Variants in PLA2G10 observed in about 807,000 individuals in gnomAD.
PLA2G10 encodes group 10 secretory phospholipase A2.
A neutral mutation model predicts 7.9 loss-of-function variants in PLA2G10; 9 were observed. The observed-to-expected ratio is 1.14, with a 90% CI of 0.68 to 1.98. The LOEUF (loss-of-function observed/expected upper bound fraction) is 1.98, where lower values mean the gene tolerates loss of function less well. Among genes scored for constraint, PLA2G10 ranks in the 30% most tolerant of loss-of-function variants. PLA2G10 has a pLI of 0.00. For synonymous variants in PLA2G10, 19 were observed against 27.5 expected, an observed-to-expected ratio of 0.69 and a Z score of 0.97; for missense variants, 53 against 65.4, an observed-to-expected ratio of 0.81 and a Z score of 0.66.
chr16:14,678,181 C>T (rs1484333602), intron 3 of PLA2G10, among the ~76,000 whole-genome samples: 2 of 152,088 alleles, frequency 1.3e-5, no homozygotes, highest in African/African-American at 4.8e-5. Context: ...GCATACAGGG[C>T]TGGCTGAAGG....
chr16:14,687,805 T>C (rs370014518), intron 3 of PLA2G10, among the ~76,000 whole-genome samples: 5,748 of 149,688 alleles, frequency 0.038, 128 homozygotes, highest in African/African-American at 0.059. Context: ...GAGACCAGCC[T>C]GGCCAACTTG....
In PLA2G10 at chr16:14,675,496, T is replaced by G. The variant is rs563131469; in HGVS notation, c.356-2747A>C. On this transcript the variant is annotated intron_variant, in intron 3 of 3. Transcript: ENST00000438167. ...TAGGACTTAATTAAACTAAAAAGCT[T>G]CTGCATAGCAAAAGAAGTAATCATC... Among the ~76,000 whole-genome samples the G allele has an allele frequency of 1.3e-4, 20 of 152,166 alleles. No homozygotes were observed. In the South Asian group the frequency reaches 4.1e-3, roughly 32 times the overall value.
intron 3 of PLA2G10, among the ~76,000 whole-genome samples, chr16:14,687,026 T>C (rs1961092844): frequency 6.6e-6 from 1 of 151,670 alleles, no homozygotes; most frequent in South Asian, 2.1e-4. Context: ...GAGAATCACT[T>C]GAACCCAAGA....
intron 3 of PLA2G10, among the ~76,000 whole-genome samples, chr16:14,685,239 G>C (rs1961019807): frequency 1.3e-5 from 2 of 151,920 alleles, no homozygotes; most frequent in African/African-American, 4.8e-5. Flanking sequence ...AGGCATGGTG[G>C]TGCACGTTTG....
intron 3 of PLA2G10, among the ~76,000 whole-genome samples, chr16:14,679,516 C>T (rs1960825060): frequency 6.6e-6 from 1 of 151,816 alleles, no homozygotes; most frequent in Non-Finnish European, 1.5e-5. Context: ...AAAAATTAGC[C>T]AGGTGTGGTG....
Position 14,672,579 on chromosome 16 carries a change from T to A in PLA2G10, c.*28A>T. On this transcript the variant is annotated 3_prime_UTR_variant, in exon 4 of 4. Coordinates refer to ENST00000438167, the MANE Select transcript of PLA2G10 (RefSeq NM_003561.3). Reference sequence around the variant, plus strand: ...ACTGAGAGGACGCTTTATTTCCTTGTGCAAAAGAGCATTTCAAGTCAAGGT... The same window carrying A: ...ACTGAGAGGACGCTTTATTTCCTTGAGCAAAAGAGCATTTCAAGTCAAGGT... 1 of 1,611,860 alleles carries A rather than the reference T, an allele frequency of 6.2e-7. No individual in the cohort carries two copies. Among genetic ancestry groups the A allele is most frequent in the Non-Finnish European group, 8.5e-7 (1 of 1,178,400 alleles).
chr16:14,686,205 G>A (rs1961057533), intron 3 of PLA2G10, among the ~76,000 whole-genome samples: 1 of 151,952 alleles, frequency 6.6e-6, no homozygotes, highest in Non-Finnish European at 1.5e-5. Flanking sequence ...TGTTGCCCAG[G>A]CTGGTCTTGA....
In PLA2G10 at chr16:14,687,132, AAAAC is replaced by A. The variant is rs955404339; in HGVS notation, c.355+1029_355+1032del. ...TCAAAAAAAAACAAAAAAAAATCAA[AAAAC>A]AAACAAACAAAAAAACCCACACTCC... On this transcript the variant is annotated intron_variant, in intron 3 of 3. Coordinates refer to ENST00000438167, the MANE Select transcript of PLA2G10 (RefSeq NM_003561.3). 1.7e-3 allele frequency among the ~76,000 whole-genome samples: 252 copies of A among 151,884 alleles called. 2 individuals are homozygous for A. Among genetic ancestry groups the A allele is most frequent in the African/African-American group, 5.7e-3 (238 of 41,494 alleles).
intron 3 of PLA2G10, among the ~76,000 whole-genome samples, chr16:14,679,711 C>T (rs1201531060): frequency 1.3e-5 from 2 of 150,576 alleles, no homozygotes; most frequent in Non-Finnish European, 1.5e-5. Flanking sequence ...ATTAGCTCAG[C>T]ATGGTGGCAC....
intron 3 of PLA2G10, among the ~76,000 whole-genome samples, chr16:14,686,185 G>A (rs1411774037): frequency 6.6e-6 from 1 of 151,634 alleles, no homozygotes; most frequent in African/African-American, 2.4e-5. Context: ...GTAGAGATAG[G>A]GTTTCACCAT....
chr16:14,674,130 A>T (rs1425951923), intron 3 of PLA2G10, among the ~76,000 whole-genome samples: 1 of 152,126 alleles, frequency 6.6e-6, no homozygotes, highest in Non-Finnish European at 1.5e-5. Flanking sequence ...ATAGCTGGAA[A>T]AAAAAAAAGG....
At chr16:14,683,310 G>A (rs1158712986) in intron 3 of PLA2G10, among the ~76,000 whole-genome samples, 1 of 147,730 alleles carries the variant, frequency 6.8e-6, no homozygotes, top group Non-Finnish European at 1.5e-5. Flanking sequence ...TCTGCTCACT[G>A]CAATCTCCAC....
At chr16:14,672,917 C>G (rs143240053) in intron 3 of PLA2G10, among the ~76,000 whole-genome samples, 168 bp from the exon 4 acceptor site, 2 of 152,124 alleles carry the variant, frequency 1.3e-5, no homozygotes, top group African/African-American at 4.8e-5. Context: ...GATGTCAGCC[C>G]CATTTTACAG....
intron 3 of PLA2G10, among the ~76,000 whole-genome samples, chr16:14,674,486 C>T (rs991321439): frequency 6.6e-6 from 1 of 152,074 alleles, no homozygotes; most frequent in African/African-American, 2.4e-5. Context: ...GGTGGAACAC[C>T]TGAGGTCAGT....
chr16:14,679,993 C>G (rs1567503735), intron 3 of PLA2G10, among the ~76,000 whole-genome samples: 1 of 152,112 alleles, frequency 6.6e-6, no homozygotes, highest in Non-Finnish European at 1.5e-5. Context: ...TATACGTGAC[C>G]TCTTTTTTGT....
intron 3 of PLA2G10, among the ~76,000 whole-genome samples, chr16:14,685,529 G>C (rs909601418): frequency 6.6e-6 from 1 of 152,092 alleles, no homozygotes; most frequent in Non-Finnish European, 1.5e-5. Flanking sequence ...ACCAGGTGTT[G>C]GTGGTAGGGA....
intron 3 of PLA2G10, among the ~76,000 whole-genome samples, chr16:14,677,761 T>A (rs1960762723): frequency 6.7e-6 from 1 of 150,102 alleles, no homozygotes; most frequent in Non-Finnish European, 1.5e-5. Context: ...GGACAATGGA[T>A]GGCTGGATAG....
intron 3 of PLA2G10, among the ~76,000 whole-genome samples, chr16:14,685,548 A>C (rs578193745): frequency 2.6e-5 from 4 of 152,018 alleles, no homozygotes; most frequent in Non-Finnish European, 5.9e-5. Flanking sequence ...GAGGAATGGG[A>C]ACGGATTGCT....
At chr16:14,685,004 C>G (rs575314943) in intron 3 of PLA2G10, among the ~76,000 whole-genome samples, 1 of 152,210 alleles carries the variant, frequency 6.6e-6, no homozygotes, top group African/African-American at 2.4e-5. Flanking sequence ...AATGGATAAA[C>G]GAAATGTGAT....
Sources: gnomAD v4.1 joint callset for allele counts (sites outside exome capture counted in the v4.1 genomes callset) on GRCh38, gnomAD v4.1.1 for gene constraint, MANE v1.5 for transcripts, NCBI Gene and HGNC (gene_info 2026-07-23, HGNC 2026-07-21) for gene names.